Variants in SMO observed in about 807,000 individuals in gnomAD.
SMO encodes the protein protein smoothened.
SMO carries 40 observed loss-of-function variants against 81.6 expected under a neutral mutation model. The observed-to-expected ratio is 0.49, with a 90% CI of 0.38 to 0.64. The LOEUF (loss-of-function observed/expected upper bound fraction) is 0.64. SMO is among the 30% of genes least tolerant of loss of function. SMO has a pLI of 0.00. For synonymous variants in SMO, 434 were observed against 432.1 expected, an observed-to-expected ratio of 1.00 and a Z score of -0.05; for missense variants, 916 against 1,061.1, an observed-to-expected ratio of 0.86 and a Z score of 1.90.
At chr7:129,201,865 G>T (rs1389057812) in intron 1 of SMO, among the ~76,000 whole-genome samples, 3 of 152,002 alleles carry the variant, frequency 2.0e-5, no homozygotes, top group African/African-American at 7.3e-5. Flanking sequence ...ATTTTTAGTA[G>T]AGACGGGGTT....
intron 1 of SMO, among the ~76,000 whole-genome samples, chr7:129,192,147 A>G (rs903448318): frequency 2.0e-5 from 3 of 152,236 alleles, no homozygotes; most frequent in African/African-American, 7.2e-5. Context: ...CCCAAGGAAC[A>G]TCCCAGAAGA....
intron 1 of SMO, among the ~76,000 whole-genome samples, chr7:129,198,256 A>T (rs887147113): frequency 2.0e-5 from 3 of 152,164 alleles, no homozygotes; most frequent in Non-Finnish European, 4.4e-5. Context: ...TCCAGCCTTA[A>T]GCTTAATTAC....
rs569668557 is a variant in SMO at position 129,203,626 on chromosome 7, G to A, written c.537+37G>A. ...GTGAGACAAGGTCCAGGCTCTCTGG[G>A]TTGGGCAGGACCGGGTATAGGGCAG... On this transcript the variant is annotated intron_variant, in intron 2 of 11. Transcript: ENST00000249373. The A allele has an allele frequency of 3.2e-6, 5 of 1,543,468 alleles. No homozygotes were observed. The African/African-American group carries it at 6.7e-5, about 21-fold the overall frequency.
Position 129,189,357 on chromosome 7 carries a change from C to G in SMO, c.206C>G (p.Pro69Arg), listed in dbSNP as rs1189276452. Reference protein sequence around the residue: ...PPLSHCGRAAPCEPLRYNVCL... With the variant: ...PPLSHCGRAARCEPLRYNVCL... ...CTGAGCCACTGCGGCCGGGCTGCCC[C>G]CTGCGAGCCGCTGCGCTACAACGTG... The change falls in exon 1 of 12, where the codon CCC (proline) becomes CGC (arginine). Residue 69 changes from proline (P) to arginine (R), a missense_variant. Transcript: ENST00000249373. The surrounding 1 kb of genome is among the most constrained non-coding windows in gnomAD (Gnocchi z 4.7). The G allele has an allele frequency of 3.9e-6, 6 of 1,529,426 alleles. No homozygotes were observed. Among genetic ancestry groups the G allele is most frequent in the Non-Finnish European group, 5.2e-6 (6 of 1,144,186 alleles). The allele number at this position is 1,529,426 out of a possible 1,614,324, so 94.7% of individuals were successfully genotyped here.
rs945565546 is a variant in SMO at position 129,189,230 on chromosome 7, G to A, written c.79G>A (p.Gly27Ser). ...LLLLLLLGDP[G>S]RGAASSGNAT... Reference sequence around the variant, plus strand: ...GCTGCTGCTGCTGCTGGGGGACCCGGGCCGGGGGGCGGCCTCGAGCGGGAA... The same window carrying A: ...GCTGCTGCTGCTGCTGGGGGACCCGAGCCGGGGGGCGGCCTCGAGCGGGAA... The change falls in exon 1 of 12, where the codon GGC becomes AGC. Residue 27 changes from glycine to serine, a missense_variant. Physicochemically the swap from Gly to Ser is moderately conservative, Grantham distance 56. This residue lies in a region of SMO where 146 missense variants were observed against 149.9 expected (regional missense o/e 0.97). Coordinates refer to ENST00000249373, the MANE Select transcript of SMO (RefSeq NM_005631.5). The surrounding 1 kb of genome is among the most constrained non-coding windows in gnomAD (Gnocchi z 4.7). 2 of 1,191,380 alleles carry A rather than the reference G, an allele frequency of 1.7e-6. No homozygotes were observed. The highest frequency in any genetic ancestry group is 2.1e-6 in the Non-Finnish European group (2 of 952,604). The allele number at this position is 1,191,380 out of a possible 1,614,324, so 73.8% of individuals were successfully genotyped here.
chr7:129,211,801 G>A lies in SMO; in HGVS notation c.1936+31G>A, dbSNP rs757923679. 2 of 1,612,548 alleles carry A rather than the reference G, an allele frequency of 1.2e-6. No homozygotes were observed. Among genetic ancestry groups the A allele is most frequent in the Admixed American group, 1.7e-5 (1 of 59,976 alleles). ...AGAGTTCAAGCTTCTGGAGGAAGGTGGGGGGAGCACAGAGGCTGGGGGCTT... is the reference window on the plus strand; with the variant it reads ...AGAGTTCAAGCTTCTGGAGGAAGGTAGGGGGAGCACAGAGGCTGGGGGCTT... On this transcript the variant is annotated intron_variant, in intron 11 of 11. Transcript: ENST00000249373. This position sits in a 1 kb window ranked among gnomAD's most constrained non-coding sequence, Gnocchi z 4.6.
chr7:129,212,181 C>T lies in SMO; in HGVS notation c.2094C>T (p.Pro698=), dbSNP rs2150656669. The T allele has an allele frequency of 6.4e-7, 1 of 1,557,360 alleles. No homozygotes were observed. The highest frequency in any genetic ancestry group is 1.2e-5 in the South Asian group (1 of 84,986). The change falls in exon 12 of 12, where the codon CCC becomes CCT. Residue 698 remains proline, a synonymous_variant. Coordinates refer to ENST00000249373, the MANE Select transcript of SMO (RefSeq NM_005631.5). The surrounding 1 kb of genome is among the most constrained non-coding windows in gnomAD (Gnocchi z 5.0). The stretch of plus-strand genomic sequence containing the variant: ...AGCTTCACCCCCCTGCCCCTGCCCC[C>T]AGTACCATTCCTCGACTGCCTCAGC... ...PPELHPPAPA[P]STIPRLPQLP...
chr7:129,209,035 G>C lies in SMO; in HGVS notation c.1357+184G>C, dbSNP rs545538270. 91 of 619,362 alleles carry C rather than the reference G, an allele frequency of 1.5e-4. 2 individuals are homozygous for C. The South Asian group carries it at 1.6e-3, about 11-fold the overall frequency. The allele number at this position is 619,362 out of a possible 1,614,324, so 38.4% of individuals were successfully genotyped here. A position where few individuals can be genotyped will look rare whatever the true frequency, so the allele number is the denominator to read the frequency against. On this transcript the variant is annotated intron_variant, in intron 7 of 11. Coordinates refer to ENST00000249373, the MANE Select transcript of SMO (RefSeq NM_005631.5). ...TCAAAAGAAGGGGGTCTACTCGGGG[G>C]GAAGAATTCAGTCAAGTTCATGCCG...
At position 129,207,680 on chromosome 7, in the gene SMO, G is replaced by T. The variant is rs1053723524; in HGVS notation, c.1265-1079G>T. Among the ~76,000 whole-genome samples, 9 of 152,154 alleles carry T rather than the reference G, an allele frequency of 5.9e-5. No homozygotes were observed. In the East Asian group the frequency reaches 1.5e-3, roughly 26 times the overall value. ...AGGCTGAGACGGACGGATCACTTGA[G>T]CTCAGAGTTCGAGACCAGCCTGAAC... is the stretch of plus-strand genomic sequence containing the variant. On this transcript the variant is annotated intron_variant, in intron 6 of 11. Coordinates refer to ENST00000249373, the MANE Select transcript of SMO (RefSeq NM_005631.5).
chr7:129,192,786 T>A (rs1159328374), intron 1 of SMO, among the ~76,000 whole-genome samples: 1 of 151,990 alleles, frequency 6.6e-6, no homozygotes, highest in Non-Finnish European at 1.5e-5. Flanking sequence ...AGGCAGGAGG[T>A]GTGGCTTTGA....
At chr7:129,202,405 C>T (rs1414658876) in intron 1 of SMO, among the ~76,000 whole-genome samples, 4 of 152,142 alleles carry the variant, frequency 2.6e-5, no homozygotes, top group Non-Finnish European at 5.9e-5. Context: ...CCACCCCCAG[C>T]CTGGAAATGT....
Position 129,210,667 on chromosome 7 carries a change from C to A in SMO, c.1652+119C>A. 1.2e-6 allele frequency: 1 copy of A among 861,416 alleles called. No homozygotes were observed. Among genetic ancestry groups the A allele is most frequent in the Non-Finnish European group, 1.8e-6 (1 of 556,526 alleles). 53.4% of individuals were successfully genotyped at this position (861,416 alleles called of 1,614,324 possible). A position where few individuals can be genotyped will look rare whatever the true frequency, so the allele number is the denominator to read the frequency against. ...AGCCTTGGTCAGTGGTTCACCGCTG[C>A]CCCCTGGTGGCACCTTCTGTCCTTG... is the stretch of plus-strand genomic sequence containing the variant. On this transcript the variant is annotated intron_variant, in intron 9 of 11. Coordinates refer to ENST00000249373, the MANE Select transcript of SMO (RefSeq NM_005631.5). This position sits in a 1 kb window ranked among gnomAD's most constrained non-coding sequence, Gnocchi z 4.7.
Position 129,203,380 on chromosome 7 carries a change from C to G in SMO, c.332-4C>G. On this transcript the variant is annotated splice_polypyrimidine_tract_variant and splice_region_variant and intron_variant, in intron 1 of 11. Transcript: ENST00000249373. ...CTTCACTGCAATGCTGTTGCCACCC[C>G]CAGGCCTCCGGAATGCCCCCCGCTG... is the stretch of plus-strand genomic sequence containing the variant. The G allele has an allele frequency of 6.5e-7, 1 of 1,550,044 alleles. No individual in the cohort carries two copies. The highest frequency in any genetic ancestry group is 2.0e-5 in the Admixed American group (1 of 50,988).
At position 129,206,662 on chromosome 7, in the gene SMO, C is replaced by A. The variant is rs2150651043; in HGVS notation, c.1264+75C>A. Reference sequence around the variant, plus strand: ...ACTTGCTGCCAGTACTGGGAGCTGCCAGCACGGCTGCCCCCATGCTGAAAC... The same window carrying A: ...ACTTGCTGCCAGTACTGGGAGCTGCAAGCACGGCTGCCCCCATGCTGAAAC... On this transcript the variant is annotated intron_variant, in intron 6 of 11. Coordinates refer to ENST00000249373, the MANE Select transcript of SMO (RefSeq NM_005631.5). This position sits in a 1 kb window ranked among gnomAD's most constrained non-coding sequence, Gnocchi z 4.4. The A allele has an allele frequency of 6.6e-7, 1 of 1,523,132 alleles. No homozygotes were observed. Among genetic ancestry groups the A allele is most frequent in the African/African-American group, 1.4e-5 (1 of 73,558 alleles). 94.4% of individuals were successfully genotyped at this position (1,523,132 alleles called of 1,614,324 possible).
chr7:129,189,395 G>C lies in SMO; in HGVS notation c.244G>C (p.Val82Leu), dbSNP rs980121505. 1.8e-5 allele frequency: 28 copies of C among 1,537,330 alleles called. No individual in the cohort carries two copies. In the African/African-American group the frequency reaches 2.5e-4, roughly 14 times the overall value. The stretch of plus-strand genomic sequence containing the variant: ...GCGCTACAACGTGTGCCTGGGCTCG[G>C]TGCTGCCCTACGGGGCCACCTCCAC... The part of the protein sequence containing the change: ...PLRYNVCLGS[V>L]LPYGATSTLL... Residue 82 changes from valine (V) to leucine (L), a missense_variant, in exon 1 of 12, where the codon GTG becomes CTG. By Grantham distance (32) the Val-to-Leu change is conservative (BLOSUM62 1). Around this residue, in one of 4 missense-constraint regions of SMO, gnomAD observed 146 missense variants for 149.9 expected, o/e 0.97. Coordinates refer to ENST00000249373, the MANE Select transcript of SMO (RefSeq NM_005631.5). The surrounding 1 kb of genome is among the most constrained non-coding windows in gnomAD (Gnocchi z 4.7).
intron 1 of SMO, among the ~76,000 whole-genome samples, chr7:129,193,313 G>C (rs956304520): frequency 1.3e-5 from 2 of 152,170 alleles, no homozygotes; most frequent in Non-Finnish European, 2.9e-5. Flanking sequence ...AGAGACAAAG[G>C]CTGGGAGGAA....
In SMO at chr7:129,206,077, G is replaced by A; in HGVS notation, c.921-73G>A. On this transcript the variant is annotated intron_variant, in intron 4 of 11. Coordinates refer to ENST00000249373, the MANE Select transcript of SMO (RefSeq NM_005631.5). This position sits in a 1 kb window ranked among gnomAD's most constrained non-coding sequence, Gnocchi z 4.4. The stretch of plus-strand genomic sequence containing the variant: ...CAGACCTCAGCAGCTGAGGGTCTGG[G>A]CACAGGGTGGGGAGACCAGGTAGAG... 8.0e-7 allele frequency: 1 copy of A among 1,257,808 alleles called. No individual in the cohort carries two copies. The highest frequency in any genetic ancestry group is 2.1e-5 in the Admixed American group (1 of 47,778). 77.9% of individuals were successfully genotyped at this position (1,257,808 alleles called of 1,614,324 possible).
chr7:129,212,507 T>G lies in SMO; in HGVS notation c.*56T>G. ...AGAGGAACCAATACCTTCAAGGCTC[T>G]TCTTCCTCACCGAGCATGCTTCCCT... On this transcript the variant is annotated 3_prime_UTR_variant, in exon 12 of 12. Coordinates refer to ENST00000249373, the MANE Select transcript of SMO (RefSeq NM_005631.5). This position sits in a 1 kb window ranked among gnomAD's most constrained non-coding sequence, Gnocchi z 5.0. The G allele has an allele frequency of 9.9e-6, 15 of 1,508,300 alleles. No homozygotes were observed. The highest frequency in any genetic ancestry group is 1.4e-5 in the African/African-American group (1 of 72,450). 93.4% of individuals were successfully genotyped at this position (1,508,300 alleles called of 1,614,324 possible). A position where few individuals can be genotyped will look rare whatever the true frequency, so the allele number is the denominator to read the frequency against.
intron 1 of SMO, among the ~76,000 whole-genome samples, chr7:129,198,420 A>G (rs900571004): frequency 3.9e-5 from 6 of 152,228 alleles, no homozygotes; most frequent in Non-Finnish European, 8.8e-5. Context: ...ATCTGTCCAG[A>G]TGTAGATGTG....
Sources: allele counts gnomAD v4.1 joint callset (sites outside exome capture counted in the v4.1 genomes callset), GRCh38; gene constraint gnomAD v4.1.1; regional missense constraint gnomAD v4.1.1; non-coding constraint Gnocchi (gnomAD v3.1); transcripts MANE v1.5; gene names NCBI Gene and HGNC (gene_info 2026-07-23, HGNC 2026-07-21).